INO80: variants seen among roughly 807,000 people sequenced by gnomAD.
The protein encoded by INO80 is chromatin-remodeling ATPase INO80.
Under a neutral mutation model 203.4 loss-of-function variants are expected in INO80, and 20 were observed. The ratio of observed to expected loss-of-function variants is 0.10; its 90% CI spans 0.07 to 0.14. INO80 has a LOEUF of 0.14. INO80 is among the 10% of genes least tolerant of loss of function. The probability of loss-of-function intolerance (pLI) is 1.00; values close to 1 mark genes in which losing one functional copy is unlikely to be tolerated. For synonymous variants in INO80, 726 were observed against 685.2 expected, an observed-to-expected ratio of 1.06 and a Z score of -0.93; for missense variants, 1,419 against 1,914.4, an observed-to-expected ratio of 0.74 and a Z score of 4.83.
chr15:41,003,437 C>T (rs1174797574), intron 28 of INO80, among the ~76,000 whole-genome samples: 5 of 142,460 alleles, frequency 3.5e-5, no homozygotes, highest in African/African-American at 1.3e-4. Flanking sequence ...TCAAGTGATT[C>T]TCCTGCCTCA....
chr15:41,091,330 G>C (rs1046530458), intron 5 of INO80, among the ~76,000 whole-genome samples: 4 of 152,164 alleles, frequency 2.6e-5, no homozygotes, highest in African/African-American at 7.2e-5. Flanking sequence ...AAAGTGCTGG[G>C]ATTACAGGCG....
intron 14 of INO80, among the ~76,000 whole-genome samples, chr15:41,064,473 G>A (rs1026623084): frequency 2.0e-5 from 3 of 152,070 alleles, no homozygotes; most frequent in Non-Finnish European, 4.4e-5. Context: ...TTGAACTCCA[G>A]GGCTCAAGTG....
intron 7 of INO80, among the ~76,000 whole-genome samples, chr15:41,082,879 A>C (rs1459916046): frequency 6.6e-6 from 1 of 150,804 alleles, no homozygotes; most frequent in African/African-American, 2.4e-5. Context: ...ACAAGACCCT[A>C]TCTCAAAAAG....
At chr15:41,003,174 T>C (rs1176651613) in intron 28 of INO80, among the ~76,000 whole-genome samples, 1 of 151,854 alleles carries the variant, frequency 6.6e-6, no homozygotes, top group Non-Finnish European at 1.5e-5. Flanking sequence ...TAATGATATA[T>C]GAAAATGGTT....
At chr15:40,996,105 C>T (rs958359696) in intron 29 of INO80, among the ~76,000 whole-genome samples, 1 of 152,170 alleles carries the variant, frequency 6.6e-6, no homozygotes, top group African/African-American at 2.4e-5. Context: ...TCTTGCACCT[C>T]ATTTCTCCAC....
chr15:41,023,394 AGTC>A (rs1230367316), intron 25 of INO80: 4 of 303,758 alleles, frequency 1.3e-5, no homozygotes, highest in East Asian at 1.1e-4. Context: ...TTAAAAAGTA[AGTC>A]TAGACTATAG....
Position 40,979,457 on chromosome 15 carries a change from AAAGGGGACTCTGC to A in INO80, c.*753_*765del, listed in dbSNP as rs1464396556. The A allele has an allele frequency of 6.5e-6, 1 of 153,472 alleles. No individual in the cohort carries two copies. Among genetic ancestry groups the A allele is most frequent in the African/African-American group, 2.4e-5 (1 of 41,328 alleles). The allele number at this position is 153,472 out of a possible 1,614,324, so 9.5% of individuals were successfully genotyped here. Reference sequence around the variant, plus strand: ...GGGAGACTGTGCATTCAGGATGGGCAAAGGGGACTCTGCAAGAGGGGCAGTGAGGCTGTCCTGC... The same window carrying A: ...GGGAGACTGTGCATTCAGGATGGGCAAAGAGGGGCAGTGAGGCTGTCCTGC... On this transcript the variant is annotated 3_prime_UTR_variant, in exon 36 of 36. Transcript: ENST00000648947.
intron 1 of INO80, 54 bp from the exon 2 acceptor site, chr15:41,096,407 C>T: frequency 3.9e-6 from 5 of 1,272,162 alleles, no homozygotes; most frequent in Non-Finnish European, 5.2e-6. Context: ...TTCTCCCTTT[C>T]TCTTGCCTGC....
chr15:41,072,064 AAGT>A lies in INO80; in HGVS notation c.1396-9_1396-7del. 1 of 1,539,310 alleles carries A rather than the reference AAGT, an allele frequency of 6.5e-7. No homozygotes were observed. On this transcript the variant is annotated splice_region_variant and splice_polypyrimidine_tract_variant and intron_variant, in intron 11 of 35. Coordinates refer to ENST00000648947, the MANE Select transcript of INO80 (RefSeq NM_017553.3). ...TCTTCATCAAATGACCTTGTCTGGAAAGTAAAAAAAAAAAAAATTAGAAAAAAA... is the reference window on the plus strand; with the variant it reads ...TCTTCATCAAATGACCTTGTCTGGAAAAAAAAAAAAAAAATTAGAAAAAAA...
At chr15:41,051,955 C>T (rs1047220795) in intron 19 of INO80, among the ~76,000 whole-genome samples, 3 of 151,642 alleles carry the variant, frequency 2.0e-5, no homozygotes. Context: ...AAGACTCAGT[C>T]TCAAAAAAAT....
At chr15:41,024,661 A>G (rs1298550575) in intron 25 of INO80, 1 of 152,228 alleles carries the variant, frequency 6.6e-6, no homozygotes, top group Non-Finnish European at 1.5e-5. Flanking sequence ...CTAAGGCCTT[A>G]ATTTATTAAC....
At chr15:41,048,608 C>T (rs530584761) in intron 21 of INO80, among the ~76,000 whole-genome samples, 2 of 152,242 alleles carry the variant, frequency 1.3e-5, no homozygotes, top group South Asian at 4.2e-4. Context: ...TAAATATTAA[C>T]CTGGAGCTAC....
In INO80 at chr15:41,095,201, C is replaced by T. The variant is rs565946129; in HGVS notation, c.381+400G>A. ...TAAAAATACAAAAAAATTAGCTGGG[C>T]GTGGTGGCGCATGCCTGTAATCCCA... is the stretch of plus-strand genomic sequence containing the variant. On this transcript the variant is annotated intron_variant, in intron 4 of 35. Coordinates refer to ENST00000648947, the MANE Select transcript of INO80 (RefSeq NM_017553.3). Among the ~76,000 whole-genome samples, 11 of 152,190 alleles carry T rather than the reference C, an allele frequency of 7.2e-5. No individual in the cohort carries two copies. The East Asian group carries it at 2.1e-3, about 29-fold the overall frequency.
At chr15:41,101,936 A>G (rs1302478685) in intron 1 of INO80, among the ~76,000 whole-genome samples, 6 of 151,930 alleles carry the variant, frequency 3.9e-5, no homozygotes, top group Non-Finnish European at 8.8e-5. Context: ...TCATGCCTGT[A>G]ATCCCAGCAC....
At chr15:40,993,683 TGA>T (rs1400993238) in intron 29 of INO80, among the ~76,000 whole-genome samples, 4 of 152,028 alleles carry the variant, frequency 2.6e-5, no homozygotes, top group African/African-American at 9.7e-5. Flanking sequence ...CACTTGAACC[TGA>T]GAGGTGGAGG....
chr15:41,026,614 CTAAGA>C (rs1477421028), intron 25 of INO80, among the ~76,000 whole-genome samples: 1 of 151,758 alleles, frequency 6.6e-6, no homozygotes, highest in Non-Finnish European at 1.5e-5. Context: ...AGTACACTTG[CTAAGA>C]TGAGTGGAGA....
chr15:41,061,578 G>A (rs901194694), intron 14 of INO80, among the ~76,000 whole-genome samples: 14 of 151,740 alleles, frequency 9.2e-5, no homozygotes, highest in Non-Finnish European at 1.5e-4. Context: ...AGCCGAGATC[G>A]TGCCACTGCA....
intron 1 of INO80, among the ~76,000 whole-genome samples, 157 bp downstream of exon 1, chr15:41,115,816 A>G (rs2046025959): frequency 6.6e-6 from 1 of 152,140 alleles, no homozygotes; most frequent in Admixed American, 6.5e-5. Context: ...CCCTGCGGGG[A>G]GTGTCCACAC....
chr15:41,103,984 G>A (rs893095726), intron 1 of INO80, among the ~76,000 whole-genome samples: 1 of 151,892 alleles, frequency 6.6e-6, no homozygotes, highest in Non-Finnish European at 1.5e-5. Flanking sequence ...GGGAGGCCAA[G>A]GAAGGCTGAT....
Sources: gnomAD v4.1 joint callset for allele counts (sites outside exome capture counted in the v4.1 genomes callset) on GRCh38, gnomAD v4.1.1 for gene constraint, MANE v1.5 for transcripts, NCBI Gene and HGNC (gene_info 2026-07-23, HGNC 2026-07-21) for gene names.